Variants in UGT1A6 observed in about 807,000 individuals in gnomAD.
UGT1A6 encodes the protein UDP-glucuronosyltransferase 1A6.
Under a neutral mutation model 44.4 loss-of-function variants are expected in UGT1A6, and 32 were observed. That is an observed-to-expected ratio of 0.72 (90% CI 0.54 to 0.97). The LOEUF is 0.97. Among genes scored for constraint, UGT1A6 ranks in the 50% least tolerant of loss-of-function variants. The pLI is 0.00. For synonymous variants in UGT1A6, 238 were observed against 248.5 expected, an observed-to-expected ratio of 0.96 and a Z score of 0.40; for missense variants, 685 against 661.9, an observed-to-expected ratio of 1.03 and a Z score of -0.38.
rs2012736 is a variant in UGT1A6 at position 233,713,733 on chromosome 2, C to A, written c.861+19868C>A. ...TCAGAGAGAGGTGTCAGTGGTGGAT[C>A]TTGTCAGCCATGCATCTGTGTGGCT... On this transcript the variant is annotated intron_variant, in intron 1 of 4. Transcript: ENST00000305139. The A allele has an allele frequency of 0.091, 144,275 of 1,587,018 alleles. 8,662 individuals carry two copies. The highest frequency in any genetic ancestry group is 0.18 in the South Asian group (15,785 of 87,122).
Position 233,692,913 on chromosome 2 carries a change from A to G in UGT1A6, c.-92A>G. 3.8e-6 allele frequency: 6 copies of G among 1,559,188 alleles called. No homozygotes were observed. Among genetic ancestry groups the G allele is most frequent in the Non-Finnish European group, 5.2e-6 (6 of 1,158,822 alleles). ...GGAGAGGTAGACAGGACCTGTGAAA[A>G]GCAGTGGTTAGTTTAGGGAAAATAC... is the stretch of plus-strand genomic sequence containing the variant. On this transcript the variant is annotated 5_prime_UTR_variant, in exon 1 of 5. Coordinates refer to ENST00000305139, the MANE Select transcript of UGT1A6 (RefSeq NM_001072.4).
Position 233,769,437 on chromosome 2 carries a change from G to T in UGT1A6, c.1301+998G>T. On this transcript the variant is annotated intron_variant, in intron 4 of 4. Transcript: ENST00000305139. The surrounding 1 kb of genome is among the most constrained non-coding windows in gnomAD (Gnocchi z 4.4). ...TTTGTGCATGTGGCTGTGCTCATGT[G>T]TGGGTGCACACGTGTGCATTCATAT... 1 of 1,560,038 alleles carries T rather than the reference G, an allele frequency of 6.4e-7. No homozygotes were observed. Among genetic ancestry groups the T allele is most frequent in the Non-Finnish European group, 8.8e-7 (1 of 1,136,330 alleles).
chr2:233,730,006 G>A (rs1262951640), intron 1 of UGT1A6: 11 of 1,613,746 alleles, frequency 6.8e-6, no homozygotes, highest in Non-Finnish European at 9.3e-6. Context: ...CTGTATTGGT[G>A]CCTTCATCCA....
intron 1 of UGT1A6, among the ~76,000 whole-genome samples, chr2:233,717,100 T>TAAATAAAACACCACTACATGG: frequency 6.6e-6 from 1 of 152,062 alleles, no homozygotes. Flanking sequence ...CATCACTATC[T>TAAATAAAACACCACTACATGG]AAATAAAACA....
At chr2:233,705,332 C>T (rs2075841710) in intron 1 of UGT1A6, among the ~76,000 whole-genome samples, 1 of 152,172 alleles carries the variant, frequency 6.6e-6, no homozygotes, top group Admixed American at 6.5e-5. Context: ...AACACATTCT[C>T]TCAATTTTTG....
intron 1 of UGT1A6, among the ~76,000 whole-genome samples, chr2:233,757,900 G>A (rs1226953924): frequency 6.6e-6 from 1 of 152,060 alleles, no homozygotes; most frequent in African/African-American, 2.4e-5. Flanking sequence ...CACTTTCCAT[G>A]GACGTGTCAC....
rs763644438 is a variant in UGT1A6 at position 233,767,047 on chromosome 2, ACATTAATGCTTC to A, written c.876_887del (p.Ile293_Ser296del). The A allele has an allele frequency of 7.4e-6, 12 of 1,614,036 alleles. No homozygotes were observed. The highest frequency in any genetic ancestry group is 9.3e-6 in the Non-Finnish European group (11 of 1,180,022). The stretch of plus-strand genomic sequence containing the variant: ...TTCTGGCTCTAGGAATTTGAAGCCT[ACATTAATGCTTC>A]TGGAGAACATGGAATTGTGGTTTTC... On this transcript the variant is annotated inframe_deletion, in exon 2 of 5. Coordinates refer to ENST00000305139, the MANE Select transcript of UGT1A6 (RefSeq NM_001072.4).
At chr2:233,748,103 A>G in intron 1 of UGT1A6, 1 of 1,612,606 alleles carries the variant, frequency 6.2e-7, no homozygotes, top group Non-Finnish European at 8.5e-7. Context: ...CCTTCATCCA[A>G]TCAATGTTCC....
chr2:233,747,156 A>G, intron 1 of UGT1A6: 1 of 1,580,812 alleles, frequency 6.3e-7, no homozygotes, highest in South Asian at 1.1e-5. Flanking sequence ...GATGAAGAAA[A>G]CAAATGTAGG....
intron 1 of UGT1A6, among the ~76,000 whole-genome samples, chr2:233,703,596 T>C (rs2075744943): frequency 6.6e-6 from 1 of 152,180 alleles, no homozygotes. Flanking sequence ...TGCTTCATGA[T>C]ACTGTGTCAT....
chr2:233,729,418 C>CG, intron 1 of UGT1A6: 1 of 1,613,756 alleles, frequency 6.2e-7, no homozygotes, highest in South Asian at 1.1e-5. Flanking sequence ...GGGCCACACT[C>CG]AACTGTACTT....
At chr2:233,717,613 A>C (rs998519106) in intron 1 of UGT1A6, among the ~76,000 whole-genome samples, 1 of 152,256 alleles carries the variant, frequency 6.6e-6, no homozygotes, top group African/African-American at 2.4e-5. Flanking sequence ...GGCACAGCCC[A>C]GAGAGCCTGC....
rs71398796 is a variant in UGT1A6 at position 233,695,130 on chromosome 2, C to CTTTTTTTTT, written c.861+1271_861+1279dup. ...GCCCATTAACCAACCCTTTTCTTTT[C>CTTTTTTTTT]TTTTTTTTTTTTTTGAGACAGAGTC... is the stretch of plus-strand genomic sequence containing the variant. On this transcript the variant is annotated intron_variant, in intron 1 of 4. Transcript: ENST00000305139. 1.1e-4 allele frequency among the ~76,000 whole-genome samples: 15 copies of CTTTTTTTTT among 138,838 alleles called. 2 individuals are homozygous for CTTTTTTTTT. The highest frequency in any genetic ancestry group is 1.1e-4 in the Non-Finnish European group (7 of 64,552). 91.1% of individuals were successfully genotyped at this position (138,838 alleles called of 152,430 possible). A position where few individuals can be genotyped will look rare whatever the true frequency, so the allele number is the denominator to read the frequency against.
intron 1 of UGT1A6, among the ~76,000 whole-genome samples, chr2:233,736,359 A>G (rs2078753406): frequency 6.6e-6 from 1 of 152,150 alleles, no homozygotes; most frequent in Admixed American, 6.5e-5. Flanking sequence ...TTTCAGCTCC[A>G]TCAGGTCATT....
At chr2:233,746,950 G>T (rs1693515132) in intron 1 of UGT1A6, among the ~76,000 whole-genome samples, 1 of 151,804 alleles carries the variant, frequency 6.6e-6, no homozygotes. Context: ...AGAAACAAGA[G>T]CTTGAACTTG....
At chr2:233,714,401 A>T (rs748552195) in intron 1 of UGT1A6, among the ~76,000 whole-genome samples, 14 of 152,172 alleles carry the variant, frequency 9.2e-5, no homozygotes, top group Non-Finnish European at 1.9e-4. Flanking sequence ...TGTAGGTGCA[A>T]TGGATGTCTG....
Position 233,767,954 on chromosome 2 carries a change from G to A in UGT1A6, c.1081+18G>A, listed in dbSNP as rs770382182. On this transcript the variant is annotated intron_variant, in intron 3 of 4. Transcript: ENST00000305139. ...TCTGCTTGGTATGTTGGGCGGATTG[G>A]ATGTATAGGTCAAACCAGGGTCAAA... 1.9e-5 allele frequency: 30 copies of A among 1,614,036 alleles called. No homozygotes were observed. The highest frequency in any genetic ancestry group is 2.5e-6 in the Non-Finnish European group (3 of 1,180,050).
At chr2:233,755,161 C>CG in intron 1 of UGT1A6, 1 of 1,292,236 alleles carries the variant, frequency 7.7e-7, no homozygotes, top group Non-Finnish European at 1.0e-6. Context: ...TCCCTGTCCT[C>CG]GGGGTTTTTG....
intron 1 of UGT1A6, chr2:233,756,286 A>G (rs1696165566): frequency 6.6e-6 from 1 of 152,218 alleles, no homozygotes; most frequent in African/African-American, 2.4e-5. Flanking sequence ...ATAAAATGAC[A>G]CAGTATTTGT....
Sources: gnomAD v4.1 joint callset for allele counts (sites outside exome capture counted in the v4.1 genomes callset) on GRCh38, gnomAD v4.1.1 for gene constraint, Gnocchi (gnomAD v3.1) non-coding constraint, MANE v1.5 for transcripts, NCBI Gene and HGNC (gene_info 2026-07-23, HGNC 2026-07-21) for gene names.